DNAJC13: variants seen among roughly 807,000 people sequenced by gnomAD.
DNAJC13 encodes the protein DnaJ heat shock protein family (Hsp40) member C13.
Under a neutral mutation model 290.5 loss-of-function variants are expected in DNAJC13, and 75 were observed. That is an observed-to-expected ratio of 0.26 (90% CI 0.21 to 0.31). The LOEUF is 0.31. Ranked by LOEUF, DNAJC13 falls within the 10% of genes least tolerant of loss-of-function variation. The pLI is 1.00. For synonymous variants in DNAJC13, 862 were observed against 892.0 expected (o/e 0.97, Z 0.60); for missense variants, 2,260 against 2,674.5 (o/e 0.85, Z 3.42).
In DNAJC13 at chr3:132,537,823, T is replaced by C. The variant is rs545002297; in HGVS notation, c.6626-353T>C. ...ACTTTTGGATGAGCTGAGTGTAGAG[T>C]TTCTTTTGTCTGTCTGTTTCCATTT... is the stretch of plus-strand genomic sequence containing the variant. On this transcript the variant is annotated intron_variant, in intron 55 of 55. Transcript: ENST00000260818. 1.6e-4 allele frequency among the ~76,000 whole-genome samples: 24 copies of C among 152,142 alleles called. 1 individual carries two copies. The highest frequency in any genetic ancestry group is 7.9e-4 in the Admixed American group (12 of 15,276).
rs1332999039 is a variant in DNAJC13, at chr3:132,467,237, T to C, written c.2132T>C (p.Val711Ala). 2 of 1,613,816 alleles carry C rather than the reference T, an allele frequency of 1.2e-6. No individual in the cohort carries two copies. Among genetic ancestry groups the C allele is most frequent in the Admixed American group, 3.3e-5 (2 of 59,998 alleles). Residue 711 changes from valine (V) to alanine (A), a missense_variant, in exon 20 of 56, where the codon GTT becomes GCT. Transcript: ENST00000260818. ...QRLAGKAAKE[V>A]EKFAKEKVDL... ...CTAGCTGGAAAAGCTGCTAAAGAAG[T>C]TGAAAAATTTGCCAAAGAAAAAGTG...
intron 54 of DNAJC13, 103 bp downstream of exon 54, chr3:132,528,435 G>T: frequency 7.1e-7 from 1 of 1,411,480 alleles, no homozygotes; most frequent in Non-Finnish European, 9.6e-7. Context: ...ATATGGTTCT[G>T]TTGGTTGTAA....
chr3:132,508,988 TG>T (rs1235326868), intron 43 of DNAJC13, among the ~76,000 whole-genome samples: 1 of 152,250 alleles, frequency 6.6e-6, no homozygotes, highest in Non-Finnish European at 1.5e-5. Context: ...AGGAGATTAA[TG>T]TTTTCATGCC....
At chr3:132,434,114 G>C (rs905587156) in intron 1 of DNAJC13, among the ~76,000 whole-genome samples, 1 of 152,082 alleles carries the variant, frequency 6.6e-6, no homozygotes, top group African/African-American at 2.4e-5. Context: ...GGAGGCTGAG[G>C]AAGGAGAATG....
In DNAJC13 at chr3:132,454,314, A is replaced by ATTTT. The variant is rs71622093; in HGVS notation, c.932+179_932+182dup. Among the ~76,000 whole-genome samples, 463 of 86,138 alleles carry ATTTT rather than the reference A, an allele frequency of 5.4e-3. 18 individuals are homozygous for ATTTT. Among genetic ancestry groups the ATTTT allele is most frequent in the African/African-American group, 0.019 (386 of 20,860 alleles). 56.5% of individuals were successfully genotyped at this position (86,138 alleles called of 152,430 possible). ...ATTTAAAATGACCCTCCCATTTTCA[A>ATTTT]TTTTTTTTTTTTTTTTTTTTTTTTT... On this transcript the variant is annotated intron_variant, in intron 9 of 55. Transcript: ENST00000260818.
rs758006894 is a variant in DNAJC13 at position 132,499,136 on chromosome 3, T to A, written c.4167T>A (p.Pro1389=). ...LFNRHKEDLQ[P]YKYAGYPMLI... ...CATTGGTTATTTCAGATTTACAGCCTTATAAATATGCAGGATACCCCATGC... is the reference window on the plus strand; with the variant it reads ...CATTGGTTATTTCAGATTTACAGCCATATAAATATGCAGGATACCCCATGC... The change falls in exon 37 of 56, where the codon CCT becomes CCA. Residue 1389 remains proline (P), a synonymous_variant. Transcript: ENST00000260818. The A allele has an allele frequency of 1.2e-6, 2 of 1,601,410 alleles. No homozygotes were observed. The highest frequency in any genetic ancestry group is 1.7e-6 in the Non-Finnish European group (2 of 1,172,138).
chr3:132,435,027 T>A (rs1939342815), intron 2 of DNAJC13, among the ~76,000 whole-genome samples: 1 of 152,198 alleles, frequency 6.6e-6, no homozygotes, highest in Non-Finnish European at 1.5e-5. Flanking sequence ...TAGTGAAGTC[T>A]AACCTTTTTT....
In DNAJC13 at chr3:132,483,537, T is replaced by C. The variant is rs1450495289; in HGVS notation, c.3142T>C (p.Leu1048=). The part of the protein sequence containing the change: ...LNETDLATLI[L]NMLITMCGYF... The stretch of plus-strand genomic sequence containing the variant: ...TGAAACTGACCTTGCTACCCTTATA[T>C]TGAACATGTTGATCACAATGTGTGG... Residue 1048 remains leucine (L), a synonymous_variant, in exon 28 of 56, where the codon TTG becomes CTG. Coordinates refer to ENST00000260818, the MANE Select transcript of DNAJC13 (RefSeq NM_015268.4). 3.1e-6 allele frequency: 5 copies of C among 1,614,130 alleles called. No homozygotes were observed. The highest frequency in any genetic ancestry group is 2.2e-5 in the South Asian group (2 of 91,078).
chr3:132,506,045 CT>C (rs573857472), intron 42 of DNAJC13, among the ~76,000 whole-genome samples: 44 of 72,674 alleles, frequency 6.1e-4, no homozygotes, highest in Middle Eastern at 0.015. Flanking sequence ...TGTACATTAT[CT>C]TTTTTTTTTT....
intron 28 of DNAJC13, among the ~76,000 whole-genome samples, chr3:132,484,126 A>G (rs1218437119): frequency 1.3e-5 from 2 of 152,246 alleles, no homozygotes; most frequent in Non-Finnish European, 2.9e-5. Flanking sequence ...ACATTTTAAA[A>G]CACTTGAAGT....
chr3:132,483,722 A>T (rs1934758066), intron 28 of DNAJC13, 145 bp downstream of exon 28: 1 of 873,082 alleles, frequency 1.1e-6, no homozygotes, highest in African/African-American at 1.7e-5. Context: ...TTTGAAACAG[A>T]TATAAAGAAT....
chr3:132,525,901 T>C (rs992478744), intron 52 of DNAJC13, 112 bp downstream of exon 52: 13 of 1,306,854 alleles, frequency 9.9e-6, no homozygotes, highest in Admixed American at 2.5e-5. Context: ...ATGTGTCTTT[T>C]TGCATACGAA....
intron 54 of DNAJC13, among the ~76,000 whole-genome samples, chr3:132,529,197 C>T (rs1246176923): frequency 1.3e-5 from 2 of 152,176 alleles, no homozygotes; most frequent in Non-Finnish European, 2.9e-5. Context: ...TAAATATAAT[C>T]ATACATATGT....
rs1224379138 is a variant in DNAJC13, at chr3:132,468,326, ATAACTT to A, written c.2208+1017_2208+1022del. On this transcript the variant is annotated intron_variant, in intron 20 of 55. Coordinates refer to ENST00000260818, the MANE Select transcript of DNAJC13 (RefSeq NM_015268.4). ...GTAGCTATTGCCATATTCAAGGAAAATAACTTTAATATCTTTCTAAAACAAGTGGGT... is the reference window on the plus strand; with the variant it reads ...GTAGCTATTGCCATATTCAAGGAAAATAATATCTTTCTAAAACAAGTGGGT... Among the ~76,000 whole-genome samples, 9 of 152,334 alleles carry A rather than the reference ATAACTT, an allele frequency of 5.9e-5. No individual in the cohort carries two copies. The East Asian group carries it at 1.7e-3, about 29-fold the overall frequency.
chr3:132,531,018 T>C lies in DNAJC13; in HGVS notation c.6546T>C (p.Arg2182=). The C allele has an allele frequency of 6.2e-7, 1 of 1,614,100 alleles. No homozygotes were observed. The highest frequency in any genetic ancestry group is 8.5e-7 in the Non-Finnish European group (1 of 1,179,952). ...YGEQVNEILC[R]SSVWSAFKDQ... ...CCTAGGTGAATGAAATCCTGTGCCG[T>C]TCTTCAGTCTGGAGTGCCTTCAAAG... Residue 2182 remains arginine, a synonymous_variant, in exon 55 of 56, where the codon CGT becomes CGC. Coordinates refer to ENST00000260818, the MANE Select transcript of DNAJC13 (RefSeq NM_015268.4).
rs952176693 is a variant in DNAJC13, at chr3:132,441,920, A to G, written c.69-4555A>G. On this transcript the variant is annotated intron_variant, in intron 2 of 55. Transcript: ENST00000260818. Reference sequence around the variant, plus strand: ...CTGAGTCTTTAAAGGACTCCTATTCACTGTCATATTATTGAACCCAGCACA... The same window carrying G: ...CTGAGTCTTTAAAGGACTCCTATTCGCTGTCATATTATTGAACCCAGCACA... Among the ~76,000 whole-genome samples the G allele has an allele frequency of 3.3e-5, 5 of 152,072 alleles. No individual in the cohort carries two copies. The East Asian group carries it at 9.6e-4, about 29-fold the overall frequency.
chr3:132,494,155 A>G lies in DNAJC13; in HGVS notation c.3837A>G (p.Leu1279=). Residue 1279 remains leucine (L), a synonymous_variant, in exon 34 of 56, where the codon CTA becomes CTG. Transcript: ENST00000260818. Reference sequence around the variant, plus strand: ...CTTTTGTCTTTAAGGTTAAGCTTCTAAAAGATACCCTTGATGCCTGGAAGA... The same window carrying G: ...CTTTTGTCTTTAAGGTTAAGCTTCTGAAAGATACCCTTGATGCCTGGAAGA... ...DWPIKDPVKL[L]KDTLDAWKKE... 6 of 1,605,798 alleles carry G rather than the reference A, an allele frequency of 3.7e-6. No homozygotes were observed. Among genetic ancestry groups the G allele is most frequent in the Non-Finnish European group, 5.1e-6 (6 of 1,176,772 alleles).
intron 16 of DNAJC13, among the ~76,000 whole-genome samples, chr3:132,463,179 G>A (rs893132141): frequency 1.3e-5 from 2 of 152,138 alleles, no homozygotes; most frequent in African/African-American, 4.8e-5. Context: ...CATTTATTGT[G>A]CATAAGTATA....
intron 6 of DNAJC13, among the ~76,000 whole-genome samples, chr3:132,452,964 A>G (rs970080654): frequency 4.6e-5 from 7 of 152,218 alleles, no homozygotes; most frequent in African/African-American, 1.7e-4. Context: ...CTGCCCACAC[A>G]GTACCCATCA....
Sources: gnomAD v4.1 joint callset for allele counts (sites outside exome capture counted in the v4.1 genomes callset) on GRCh38, gnomAD v4.1.1 for gene constraint, MANE v1.5 for transcripts, NCBI Gene and HGNC (gene_info 2026-07-23, HGNC 2026-07-21) for gene names.